Variants in SORBS2 observed in about 807,000 individuals in gnomAD.
The protein encoded by SORBS2 is sorbin and SH3 domain-containing protein 2.
A neutral mutation model predicts 97.7 loss-of-function variants in SORBS2; 46 were observed. The observed-to-expected ratio is 0.47, with a 90% CI of 0.37 to 0.60. The LOEUF (loss-of-function observed/expected upper bound fraction) is 0.60, where lower values mean the gene tolerates loss of function less well. Among genes scored for constraint, SORBS2 ranks in the 20% least tolerant of loss-of-function variants. The pLI is 0.00. For synonymous variants in SORBS2, 476 were observed against 473.4 expected (o/e 1.01, Z -0.07); for missense variants, 1,316 against 1,282.3 (o/e 1.03, Z -0.40).
At chr4:185,681,612 C>T (rs1425529792) in intron 2 of SORBS2, among the ~76,000 whole-genome samples, 2 of 152,130 alleles carry the variant, frequency 1.3e-5, no homozygotes, top group South Asian at 2.1e-4. Context: ...TGTAAGTTTT[C>T]CCCTTTCCTG....
chr4:185,618,609 T>C, exon 9 of SORBS2: 1 of 1,542,094 alleles, frequency 6.5e-7, no homozygotes, highest in Non-Finnish European at 8.8e-7. Context: ...CTTAAAATCA[T>C]AAACAGCTTT....
chr4:185,723,045 C>G (rs917141359), intron 2 of SORBS2, among the ~76,000 whole-genome samples: 2 of 152,058 alleles, frequency 1.3e-5, no homozygotes, highest in African/African-American at 4.8e-5. Context: ...GAGTTTGTAA[C>G]AGGCCTAGCA....
At chr4:185,717,020 T>C (rs73015566) in intron 2 of SORBS2, among the ~76,000 whole-genome samples, 5,515 of 152,354 alleles carry the variant, frequency 0.036, 363 homozygotes, top group African/African-American at 0.13. Context: ...AGCTTTTCCA[T>C]GTATTTTCCA....
chr4:185,944,439 A>G (rs976125392), intron 1 of SORBS2, among the ~76,000 whole-genome samples: 1 of 152,240 alleles, frequency 6.6e-6, no homozygotes, highest in Non-Finnish European at 1.5e-5. Flanking sequence ...GTCAGTTCTA[A>G]CAAATGAGAC....
chr4:185,948,326 G>A (rs1360958544), intron 1 of SORBS2, among the ~76,000 whole-genome samples: 2 of 151,758 alleles, frequency 1.3e-5, no homozygotes, highest in African/African-American at 4.8e-5. Flanking sequence ...TAAAATATTG[G>A]CCATCTCAGG....
intron 2 of SORBS2, among the ~76,000 whole-genome samples, chr4:185,688,080 T>G (rs2098005790): frequency 6.6e-6 from 1 of 152,212 alleles, no homozygotes; most frequent in South Asian, 2.1e-4. Flanking sequence ...ATTTGATGTC[T>G]TTCCTTCTCT....
intron 12 of SORBS2, among the ~76,000 whole-genome samples, chr4:185,601,959 T>C (rs1270901247): frequency 6.6e-6 from 1 of 152,192 alleles, no homozygotes; most frequent in Non-Finnish European, 1.5e-5. Context: ...GCAAGTCTCT[T>C]GCAAAATAGT....
chr4:185,848,716 G>A (rs1339614743), intron 1 of SORBS2, among the ~76,000 whole-genome samples: 2 of 135,922 alleles, frequency 1.5e-5, no homozygotes, highest in Non-Finnish European at 3.1e-5. Flanking sequence ...GGGCTCAATG[G>A]ATCCCCCTAC....
chr4:185,874,024 C>T (rs894606852), intron 1 of SORBS2, among the ~76,000 whole-genome samples: 5 of 151,928 alleles, frequency 3.3e-5, no homozygotes, highest in African/African-American at 7.3e-5. Flanking sequence ...ATCCTGTAAC[C>T]CTTTTATCCT....
intron 1 of SORBS2, among the ~76,000 whole-genome samples, chr4:185,895,172 C>T (rs1235761061): frequency 6.6e-6 from 1 of 152,232 alleles, no homozygotes; most frequent in African/African-American, 2.4e-5. Context: ...CATTCTCAGC[C>T]TACCTCTCTT....
chr4:185,734,640 C>T (rs2098670700), intron 2 of SORBS2, among the ~76,000 whole-genome samples: 1 of 152,200 alleles, frequency 6.6e-6, no homozygotes, highest in South Asian at 2.1e-4. Flanking sequence ...GTTCCCACCT[C>T]CTCCTTGCTT....
At chr4:185,614,728 A>G (rs957731165) in intron 11 of SORBS2, 103 bp downstream of exon 23, 35 of 1,378,880 alleles carry the variant, frequency 2.5e-5, no homozygotes, top group Non-Finnish European at 3.2e-5. Context: ...AAAATGTCTA[A>G]AGAAAAAGAT....
chr4:185,913,541 A>C (rs1030502186), intron 1 of SORBS2, among the ~76,000 whole-genome samples: 4 of 152,236 alleles, frequency 2.6e-5, no homozygotes, highest in African/African-American at 9.6e-5. Flanking sequence ...TGATTGTGTT[A>C]AACGGTAAGA....
In SORBS2 at chr4:185,623,731, G is replaced by T; in HGVS notation, c.1398C>A (p.Gly466=). Residue 466 remains glycine (G), a synonymous_variant, in exon 7 of 15, where the codon GGC becomes GGA. Transcript: ENST00000418609. This position sits in a 1 kb window ranked among gnomAD's most constrained non-coding sequence, Gnocchi z 6.4. ...AGCCTCGCCGGCCCCGAGCGGGGGG[G>T]CCGCTTTGATTTTCTTCCTCCAGCA... 2 of 1,614,040 alleles carry T rather than the reference G, an allele frequency of 1.2e-6. No homozygotes were observed. The highest frequency in any genetic ancestry group is 1.1e-5 in the South Asian group (1 of 91,082).
chr4:185,599,026 C>T (rs1413722759), intron 12 of SORBS2, among the ~76,000 whole-genome samples: 1 of 152,292 alleles, frequency 6.6e-6, no homozygotes, highest in East Asian at 1.9e-4. Flanking sequence ...AGAGTCTCTA[C>T]AAATTGGCAT....
chr4:185,822,570 CA>C (rs2099197408), intron 1 of SORBS2, among the ~76,000 whole-genome samples: 1 of 152,202 alleles, frequency 6.6e-6, no homozygotes, highest in African/African-American at 2.4e-5. Flanking sequence ...GGGAACTTTA[CA>C]AAATATGCAA....
In SORBS2 at chr4:185,639,637, G is replaced by C. The variant is rs182322662; in HGVS notation, c.396+7031C>G. Among the ~76,000 whole-genome samples, 637 of 152,152 alleles carry C rather than the reference G, an allele frequency of 4.2e-3. 9 individuals carry two copies. The highest frequency in any genetic ancestry group is 2.8e-3 in the Non-Finnish European group (191 of 67,998). On this transcript the variant is annotated intron_variant, in intron 4 of 14. Coordinates refer to ENST00000418609, the Ensembl canonical transcript of SORBS2. ...ACTATATACAAGTTATTACTTCTTT[G>C]ATAATTACTATATGACACTAATTAA...
Position 185,762,374 on chromosome 4 carries a change from A to C in SORBS2, c.-198+12853T>G, listed in dbSNP as rs149229459. 2.0e-5 allele frequency among the ~76,000 whole-genome samples: 3 copies of C among 152,322 alleles called. No individual in the cohort carries two copies. In the East Asian group the frequency reaches 5.8e-4, roughly 29 times the overall value. On this transcript the variant is annotated intron_variant, in intron 2 of 20. Transcript: ENST00000284776. The stretch of plus-strand genomic sequence containing the variant: ...GGAAATGTGAGTCTGGAACTTTCAC[A>C]AGAGATCAGGGATAGAGATTAGGGA...
intron 7 of SORBS2, 33 bp downstream of exon 19, chr4:185,622,881 A>G: frequency 1.9e-6 from 3 of 1,548,138 alleles, no homozygotes; most frequent in Non-Finnish European, 2.6e-6. Context: ...GGGTCTCTGA[A>G]CCACAAGGAA....
Sources: gnomAD v4.1 joint callset for allele counts (sites outside exome capture counted in the v4.1 genomes callset) on GRCh38, gnomAD v4.1.1 for gene constraint, Gnocchi (gnomAD v3.1) non-coding constraint, MANE v1.5 for transcripts, NCBI Gene and HGNC (gene_info 2026-07-23, HGNC 2026-07-21) for gene names.